The following BICD1 variants were observed in gnomAD, a reference collection of about 807,000 sequenced individuals.
The protein encoded by BICD1 is protein bicaudal D homolog 1.
Under a neutral mutation model 92.5 loss-of-function variants are expected in BICD1, and 35 were observed. The observed-to-expected ratio is 0.38, with a 90% CI of 0.29 to 0.50. The LOEUF is 0.50. Among genes scored for constraint, BICD1 ranks in the 20% least tolerant of loss-of-function variants. The probability of loss-of-function intolerance (pLI) is 0.93; values close to 1 mark genes in which losing one functional copy is unlikely to be tolerated. For missense variants in BICD1, 950 were observed against 1,189.8 expected (o/e 0.80, Z 2.97); for synonymous variants, 429 against 465.1 (o/e 0.92, Z 1.00).
chr12:32,279,069 G>A (rs2136164626), intron 2 of BICD1, among the ~76,000 whole-genome samples: 1 of 152,138 alleles, frequency 6.6e-6, no homozygotes, highest in Admixed American at 6.6e-5. Context: ...AAAAAACAAA[G>A]GTTATATGAG....
chr12:32,295,054 C>G (rs1012701753), intron 3 of BICD1, among the ~76,000 whole-genome samples: 1 of 143,808 alleles, frequency 7.0e-6, no homozygotes, highest in Non-Finnish European at 1.5e-5. Flanking sequence ...TGCACTCCAG[C>G]CTGGGTGACA....
intron 2 of BICD1, among the ~76,000 whole-genome samples, chr12:32,233,322 TAAAA>T (rs1555152907): frequency 1.6e-5 from 2 of 127,076 alleles, no homozygotes; most frequent in South Asian, 2.5e-4. Flanking sequence ...AGTCTGTCTT[TAAAA>T]AAAAAAAAAA....
intron 4 of BICD1, among the ~76,000 whole-genome samples, chr12:32,308,441 A>G (rs563450369): frequency 2.0e-5 from 3 of 152,362 alleles, no homozygotes; most frequent in South Asian, 4.1e-4. Flanking sequence ...TTAGAGTGTC[A>G]TGAAGGTTTA....
At chr12:32,377,431 T>C in intron 9 of BICD1, 109 bp from the exon 10 acceptor site, 1 of 865,218 alleles carries the variant, frequency 1.2e-6, no homozygotes, top group Non-Finnish European at 1.9e-6. Context: ...TGTGCAGATT[T>C]CTGTTCTTGT....
intron 3 of BICD1, among the ~76,000 whole-genome samples, chr12:32,296,158 G>C (rs918211595): frequency 1.3e-5 from 2 of 152,024 alleles, no homozygotes; most frequent in African/African-American, 4.8e-5. Flanking sequence ...GATTTGGCTG[G>C]GATAAGTGAG....
At chr12:32,120,968 ATTT>A (rs1276999379) in intron 1 of BICD1, among the ~76,000 whole-genome samples, 1 of 128,508 alleles carries the variant, frequency 7.8e-6, no homozygotes. Context: ...GCTCCATAGA[ATTT>A]TTTTTTTTTT....
intron 8 of BICD1, among the ~76,000 whole-genome samples, chr12:32,350,511 T>C (rs186507996): frequency 6.6e-6 from 1 of 152,274 alleles, no homozygotes; most frequent in East Asian, 1.9e-4. Context: ...AGTGAAAATA[T>C]AGTTACATAG....
chr12:32,214,869 A>T (rs1945306794), intron 1 of BICD1, among the ~76,000 whole-genome samples: 1 of 151,494 alleles, frequency 6.6e-6, no homozygotes, highest in African/African-American at 2.4e-5. Flanking sequence ...CAACACCGAG[A>T]GGTTGGTTTT....
chr12:32,191,019 T>G lies in BICD1; in HGVS notation c.214-25228T>G, dbSNP rs73297257. On this transcript the variant is annotated intron_variant, in intron 1 of 9. Transcript: ENST00000652176. ...TTGAAGAAGAAATCAAAAGAGAGAT[T>G]AGGAAGTATCTTGAGGCAAATGCAA... 1.2e-3 allele frequency among the ~76,000 whole-genome samples: 177 copies of G among 152,188 alleles called. 1 individual carries two copies. Among genetic ancestry groups the G allele is most frequent in the African/African-American group, 4.2e-3 (176 of 41,524 alleles).
At chr12:32,280,098 CTAAATAAA>C (rs61445099) in intron 2 of BICD1, among the ~76,000 whole-genome samples, 1 of 150,410 alleles carries the variant, frequency 6.6e-6, no homozygotes, top group East Asian at 2.0e-4. Flanking sequence ...AACTGCATCT[CTAAATAAA>C]TAAATAAATA....
chr12:32,117,910 C>T (rs1941996858), intron 1 of BICD1, among the ~76,000 whole-genome samples: 1 of 150,250 alleles, frequency 6.7e-6, no homozygotes, highest in Admixed American at 6.7e-5. Flanking sequence ...ACCACCATGC[C>T]CAGCTAATTT....
chr12:32,269,938 G>A (rs983367242), intron 2 of BICD1, among the ~76,000 whole-genome samples: 35 of 151,738 alleles, frequency 2.3e-4, no homozygotes, highest in African/African-American at 8.2e-4. Flanking sequence ...CCTGGCCAAC[G>A]TAGCAAAACC....
intron 1 of BICD1, among the ~76,000 whole-genome samples, chr12:32,215,922 C>G (rs1945343344): frequency 7.1e-6 from 1 of 141,470 alleles, no homozygotes; most frequent in African/African-American, 2.6e-5. Context: ...CCACTGCCCT[C>G]CAGCCTGGGC....
chr12:32,179,729 G>A (rs1169866007), intron 1 of BICD1, among the ~76,000 whole-genome samples: 1 of 151,884 alleles, frequency 6.6e-6, no homozygotes, highest in East Asian at 1.9e-4. Context: ...AATGGCTCAT[G>A]CCTGTTATCT....
At position 32,293,975 on chromosome 12, in the gene BICD1, G is replaced by T. The variant is rs764833286; in HGVS notation, c.427-19G>T. Reference sequence around the variant, plus strand: ...ACAATAAGAGAGTTATATATTGACTGTTTACTCTGTTGTTTCAGAACAATG... The same window carrying T: ...ACAATAAGAGAGTTATATATTGACTTTTTACTCTGTTGTTTCAGAACAATG... On this transcript the variant is annotated intron_variant, in intron 2 of 9. Transcript: ENST00000652176. 4 of 1,608,064 alleles carry T rather than the reference G, an allele frequency of 2.5e-6. No homozygotes were observed. The highest frequency in any genetic ancestry group is 3.4e-6 in the Non-Finnish European group (4 of 1,177,530).
chr12:32,139,812 G>A (rs915785281), intron 1 of BICD1, among the ~76,000 whole-genome samples: 2 of 152,094 alleles, frequency 1.3e-5, no homozygotes, highest in African/African-American at 4.8e-5. Flanking sequence ...CGCCCGCCTC[G>A]GCCTCCCAAA....
chr12:32,184,380 G>A (rs1467064983), intron 1 of BICD1, among the ~76,000 whole-genome samples: 3 of 152,060 alleles, frequency 2.0e-5, no homozygotes, highest in African/African-American at 4.8e-5. Flanking sequence ...TCCACCTCTC[G>A]GGTTCAAGCG....
intron 1 of BICD1, among the ~76,000 whole-genome samples, chr12:32,175,382 T>A (rs915103705): frequency 6.6e-6 from 1 of 152,226 alleles, no homozygotes; most frequent in Non-Finnish European, 1.5e-5. Flanking sequence ...AGTGTCATGA[T>A]CTAGGCTCAC....
intron 4 of BICD1, among the ~76,000 whole-genome samples, chr12:32,314,818 G>C (rs1411904381): frequency 2.0e-5 from 3 of 151,482 alleles, no homozygotes; most frequent in African/African-American, 7.3e-5. Context: ...GGAGTGCAGT[G>C]GCTATTCATA....
Sources: allele counts gnomAD v4.1 joint callset (sites outside exome capture counted in the v4.1 genomes callset), GRCh38; gene constraint gnomAD v4.1.1; transcripts MANE v1.5; gene names NCBI Gene and HGNC (gene_info 2026-07-23, HGNC 2026-07-21).